Variants in SLC39A11 observed in about 807,000 individuals in gnomAD.
The protein encoded by SLC39A11 is solute carrier family 39 member 11.
In SLC39A11, 33 loss-of-function variants were observed where a neutral mutation model predicts 36.1. That is an observed-to-expected ratio of 0.91 (90% CI 0.69 to 1.22). The LOEUF is 1.22. Among genes scored for constraint, SLC39A11 ranks in the 50% most tolerant of loss-of-function variants. The pLI is 0.00. For missense variants in SLC39A11, 432 were observed against 430.3 expected (o/e 1.00, Z -0.03); for synonymous variants, 166 against 170.3 (o/e 0.97, Z 0.20).
At chr17:72,673,382 T>C (rs1426849862) in intron 7 of SLC39A11, among the ~76,000 whole-genome samples, 2 of 152,192 alleles carry the variant, frequency 1.3e-5, no homozygotes, top group Non-Finnish European at 2.9e-5. Flanking sequence ...GGATTACAAG[T>C]GTGAGCCACC....
rs895816187 is a variant in SLC39A11, at chr17:72,822,276, TAGAG to T, written c.601+27354_601+27357del. On this transcript the variant is annotated intron_variant, in intron 6 of 9. Transcript: ENST00000255559. ...TATATATAGAGAGAGAGAATATATA[TAGAG>T]AGAGATTATATATATAATATATATA... 8.2e-4 allele frequency among the ~76,000 whole-genome samples: 120 copies of T among 147,210 alleles called. 1 individual carries two copies. The highest frequency in any genetic ancestry group is 2.9e-3 in the East Asian group (15 of 5,126).
intron 6 of SLC39A11, among the ~76,000 whole-genome samples, chr17:72,796,368 C>G (rs1194359284): frequency 6.6e-6 from 1 of 152,102 alleles, no homozygotes; most frequent in Non-Finnish European, 1.5e-5. Flanking sequence ...CTGGCTTCTG[C>G]TGGTGGGGTC....
Position 72,892,618 on chromosome 17 carries a change from T to G in SLC39A11, c.431-42814A>C, listed in dbSNP as rs145474334. ...GATTTGGGGTTATTTTTTGCCTGTC[T>G]TTTCCAAATGAGCAGGAGACAAAAT... On this transcript the variant is annotated intron_variant, in intron 5 of 9. Transcript: ENST00000255559. 9.5e-4 allele frequency among the ~76,000 whole-genome samples: 145 copies of G among 152,334 alleles called. 4 individuals carry two copies. In the East Asian group the frequency reaches 0.025, roughly 26 times the overall value.
intron 4 of SLC39A11, among the ~76,000 whole-genome samples, chr17:72,970,972 C>G (rs1279910980): frequency 6.6e-6 from 1 of 152,220 alleles, no homozygotes. Flanking sequence ...GTGTCCCCAC[C>G]ACTCCTCCAG....
At chr17:72,724,459 T>TGAGCTTCAGAGGGGAAGC (rs2073840955) in intron 7 of SLC39A11, among the ~76,000 whole-genome samples, 2 of 150,782 alleles carry the variant, frequency 1.3e-5, no homozygotes, top group African/African-American at 4.9e-5. Flanking sequence ...TGGGGGGGAG[T>TGAGCTTCAGAGGGGAAGC]GAGCTTCAGA....
chr17:73,054,807 C>A (rs1211871766), intron 3 of SLC39A11, among the ~76,000 whole-genome samples: 941 of 112,560 alleles, frequency 8.4e-3, no homozygotes, highest in Middle Eastern at 9.5e-3. Flanking sequence ...GATTCCGTCT[C>A]AAAAAAAAAA....
intron 5 of SLC39A11, among the ~76,000 whole-genome samples, chr17:72,875,679 A>T (rs1410706904): frequency 6.6e-6 from 1 of 152,102 alleles, no homozygotes; most frequent in Non-Finnish European, 1.5e-5. Context: ...ATTAACGATG[A>T]TCTAATTCGG....
chr17:72,810,080 A>G (rs2567490), intron 6 of SLC39A11, among the ~76,000 whole-genome samples: 2,117 of 63,286 alleles, frequency 0.033, 49 homozygotes, highest in African/African-American at 0.12. Context: ...AAAAACAAAA[A>G]CAACAAAAAA....
chr17:72,926,026 C>T (rs2084030330), intron 5 of SLC39A11, among the ~76,000 whole-genome samples: 1 of 152,208 alleles, frequency 6.6e-6, no homozygotes, highest in Non-Finnish European at 1.5e-5. Flanking sequence ...TAGCAATACA[C>T]AATCTAATGC....
chr17:72,715,440 C>T (rs2073312529), intron 7 of SLC39A11, among the ~76,000 whole-genome samples: 1 of 152,126 alleles, frequency 6.6e-6, no homozygotes, highest in Admixed American at 6.5e-5. Context: ...AATGATGCAT[C>T]CGTGCAACCT....
intron 5 of SLC39A11, among the ~76,000 whole-genome samples, chr17:72,881,269 T>C (rs2081186495): frequency 1.3e-5 from 2 of 152,192 alleles, no homozygotes; most frequent in African/African-American, 2.4e-5. Context: ...ATGTCTGTTC[T>C]GCAAGTGAAT....
intron 5 of SLC39A11, among the ~76,000 whole-genome samples, chr17:72,872,554 T>C (rs1257132521): frequency 2.6e-5 from 4 of 152,206 alleles, no homozygotes; most frequent in Admixed American, 6.5e-5. Context: ...ATGACAGTGA[T>C]AGAAATCTTA....
At chr17:72,914,189 A>G (rs78639786) in intron 5 of SLC39A11, among the ~76,000 whole-genome samples, 22,874 of 151,608 alleles carry the variant, frequency 0.15, 1,951 homozygotes, top group Non-Finnish European at 0.2. Context: ...GGTGGCGGGC[A>G]CCTGTAGTCC....
intron 9 of SLC39A11, among the ~76,000 whole-genome samples, chr17:72,648,474 G>C (rs2069680988): frequency 1.3e-5 from 2 of 152,092 alleles, no homozygotes; most frequent in African/African-American, 4.8e-5. Flanking sequence ...ACATTTTAGA[G>C]CTCACCTCTC....
At chr17:72,739,523 G>A (rs1004485161) in intron 6 of SLC39A11, among the ~76,000 whole-genome samples, 4 of 152,170 alleles carry the variant, frequency 2.6e-5, no homozygotes, top group African/African-American at 9.7e-5. Context: ...GACAACAGAG[G>A]TGGAGGAAAC....
At chr17:72,800,212 A>T (rs1018483657) in intron 6 of SLC39A11, among the ~76,000 whole-genome samples, 2 of 152,256 alleles carry the variant, frequency 1.3e-5, no homozygotes, top group African/African-American at 4.8e-5. Context: ...GGATACTTCA[A>T]AGTGGAAGCC....
At chr17:72,956,368 A>G (rs1407494988) in intron 4 of SLC39A11, among the ~76,000 whole-genome samples, 1 of 152,224 alleles carries the variant, frequency 6.6e-6, no homozygotes, top group African/African-American at 2.4e-5. Flanking sequence ...ACACAGCTCT[A>G]TGAGAATCTG....
At chr17:73,072,593 C>T (rs2060195650) in intron 3 of SLC39A11, 1 of 152,246 alleles carries the variant, frequency 6.6e-6, no homozygotes, top group Non-Finnish European at 1.5e-5. Context: ...CATCATCCGT[C>T]TCCTTCCTGA....
chr17:72,821,623 T>TA (rs974298046), intron 6 of SLC39A11: 1 of 148,630 alleles, frequency 6.7e-6, no homozygotes, highest in Non-Finnish European at 1.5e-5. Flanking sequence ...CAAAACAATA[T>TA]AATGTATAGG....
Sources: allele counts gnomAD v4.1 joint callset (sites outside exome capture counted in the v4.1 genomes callset), GRCh38; gene constraint gnomAD v4.1.1; transcripts MANE v1.5; gene names NCBI Gene and HGNC (gene_info 2026-07-23, HGNC 2026-07-21).